WDPCP: variants seen among roughly 807,000 people sequenced by gnomAD.
WDPCP encodes WD repeat-containing and planar cell polarity effector protein fritz homolog.
In WDPCP, 71 loss-of-function variants were observed where a neutral mutation model predicts 93.1. The ratio of observed to expected loss-of-function variants is 0.76; its 90% CI spans 0.63 to 0.93. The LOEUF is 0.93. Among genes scored for constraint, WDPCP ranks in the 40% least tolerant of loss-of-function variants. The pLI, the probability that WDPCP is intolerant of heterozygous loss-of-function variation, is 0.00. For missense variants in WDPCP, 844 were observed against 887.4 expected (o/e 0.95, Z 0.62); for synonymous variants, 315 against 315.0 (o/e 1.00, Z 0.00).
chr2:63,388,657 G>C lies in WDPCP; in HGVS notation c.1436-6563C>G, dbSNP rs191559404. Among the ~76,000 whole-genome samples, 909 of 152,244 alleles carry C rather than the reference G, an allele frequency of 6.0e-3. 2 individuals carry two copies. The highest frequency in any genetic ancestry group is 0.02 in the Middle Eastern group (6 of 294). On this transcript the variant is annotated intron_variant, in intron 10 of 17. Transcript: ENST00000272321. ...GAGGAAGCTAAAAACCTTGAAAAAA[G>C]TTAGACGAATGGCTAACTAGAATAA...
chr2:63,345,705 T>C (rs894711469), intron 12 of WDPCP, among the ~76,000 whole-genome samples: 1 of 152,154 alleles, frequency 6.6e-6, no homozygotes, highest in Admixed American at 6.6e-5. Context: ...TTAGTAACAC[T>C]TGGAATCCTG....
intron 3 of WDPCP, among the ~76,000 whole-genome samples, chr2:63,626,660 A>C (rs1709814166): frequency 1.3e-5 from 2 of 152,252 alleles, no homozygotes; most frequent in Admixed American, 1.3e-4. Flanking sequence ...GGCAATCATC[A>C]AAATGTCAGG....
chr2:63,467,695 G>T (rs1699432932), intron 6 of WDPCP, among the ~76,000 whole-genome samples: 1 of 145,170 alleles, frequency 6.9e-6, no homozygotes, highest in Non-Finnish European at 1.5e-5. Context: ...AGAATTGCTA[G>T]AACTTAGGAG....
At chr2:63,604,797 G>C in intron 3 of WDPCP, 4 of 1,614,172 alleles carry the variant, frequency 2.5e-6, no homozygotes, top group Non-Finnish European at 3.4e-6. Context: ...ATGCCAAGGT[G>C]AAATTGCAAG....
chr2:63,567,543 A>G (rs905205163), intron 1 of WDPCP, among the ~76,000 whole-genome samples: 1 of 152,172 alleles, frequency 6.6e-6, no homozygotes, highest in Non-Finnish European at 1.5e-5. Flanking sequence ...CTCCCACCTG[A>G]GGAGCTGGAC....
intron 3 of WDPCP, among the ~76,000 whole-genome samples, chr2:63,607,907 T>G (rs1378083321): frequency 6.6e-6 from 1 of 151,706 alleles, no homozygotes; most frequent in Non-Finnish European, 1.5e-5. Flanking sequence ...TAGATATATA[T>G]ACATTTTTTT....
intron 13 of WDPCP, among the ~76,000 whole-genome samples, chr2:63,298,170 G>C (rs1035394851): frequency 6.6e-6 from 1 of 152,164 alleles, no homozygotes; most frequent in African/African-American, 2.4e-5. Flanking sequence ...AGTAAGGCCA[G>C]CTGTGGGTGT....
intron 14 of WDPCP, among the ~76,000 whole-genome samples, chr2:63,206,808 T>TA (rs1196492499): frequency 6.6e-6 from 1 of 152,206 alleles, no homozygotes; most frequent in Non-Finnish European, 1.5e-5. Context: ...TTAATTTACT[T>TA]ACAAGCTAAT....
intron 14 of WDPCP, chr2:63,229,432 G>A (rs1678622464): frequency 6.6e-6 from 1 of 151,844 alleles, no homozygotes; most frequent in African/African-American, 2.4e-5. Context: ...AAGCTCTTTA[G>A]TTTAATTAGA....
Position 63,132,023 on chromosome 2 carries a change from A to G in WDPCP, c.2191-9967T>C, listed in dbSNP as rs191457841. Reference sequence around the variant, plus strand: ...CTAATATTTTGTATTTTTAGTAGAGATGGGGTTTCAACATGTTGGCCAGGC... The same window carrying G: ...CTAATATTTTGTATTTTTAGTAGAGGTGGGGTTTCAACATGTTGGCCAGGC... On this transcript the variant is annotated intron_variant, in intron 17 of 17. Coordinates refer to ENST00000272321, the MANE Select transcript of WDPCP (RefSeq NM_015910.7). Among the ~76,000 whole-genome samples the G allele has an allele frequency of 4.2e-3, 634 of 151,644 alleles. 1 individual carries two copies. Among genetic ancestry groups the G allele is most frequent in the Non-Finnish European group, 7.4e-3 (499 of 67,872 alleles).
intron 2 of WDPCP, among the ~76,000 whole-genome samples, chr2:63,771,938 A>G (rs1047304330): frequency 1.3e-5 from 2 of 151,880 alleles, no homozygotes; most frequent in Non-Finnish European, 2.9e-5. Flanking sequence ...TTCTTTATCT[A>G]GTCCACCACT....
chr2:63,394,022 A>G (rs1693504306), intron 10 of WDPCP, among the ~76,000 whole-genome samples: 1 of 152,230 alleles, frequency 6.6e-6, no homozygotes, highest in African/African-American at 2.4e-5. Flanking sequence ...CAAAGATTTC[A>G]TGACAAAGGC....
chr2:63,569,455 T>C (rs1390650811), intron 1 of WDPCP, among the ~76,000 whole-genome samples: 1 of 152,160 alleles, frequency 6.6e-6, no homozygotes, highest in Non-Finnish European at 1.5e-5. Flanking sequence ...TATATCTAGC[T>C]AAAGCTATAC....
chr2:63,803,310 AT>A (rs1670720665), intron 2 of WDPCP, among the ~76,000 whole-genome samples: 1 of 152,184 alleles, frequency 6.6e-6, no homozygotes. Context: ...CTGAAAAAAA[AT>A]TTGGTTATTG....
intron 2 of WDPCP, chr2:63,717,125 T>C (rs949607489): frequency 2.0e-5 from 7 of 355,962 alleles, no homozygotes; most frequent in African/African-American, 1.3e-4. Context: ...TCACCTGCCA[T>C]GGCATTACTC....
chr2:63,324,415 CGTCCCCTTCAAGCTGTAGGG>C (rs1291646096), intron 12 of WDPCP, among the ~76,000 whole-genome samples: 1 of 152,110 alleles, frequency 6.6e-6, no homozygotes, highest in Non-Finnish European at 1.5e-5. Context: ...CTATCGGTTA[CGTCCCCTTCAAGCTGTAGGG>C]GAAGGGGAAT....
chr2:63,561,533 G>A lies in WDPCP; in HGVS notation c.75+26664C>T, dbSNP rs765340374. Among the ~76,000 whole-genome samples the A allele has an allele frequency of 9.3e-5, 14 of 151,284 alleles. No homozygotes were observed. The South Asian group carries it at 1.5e-3, about 16-fold the overall frequency. ...AACAAAAGCAAAAATTGACAAATGG[G>A]ATCTAATGAAACTAAAGAGCTTCTG... On this transcript the variant is annotated intron_variant, in intron 1 of 17. Transcript: ENST00000272321.
rs140333770 is a variant in WDPCP at position 63,739,480 on chromosome 2, A to G, written n.308+74142T>C. On this transcript the variant is annotated intron_variant and non_coding_transcript_variant, in intron 2 of 4. Transcript: ENST00000467687. ...CTTTGCTACTGTGAATAGTGCTACA[A>G]TGAACATTCGGATGCATATATCTTC... 5.8e-3 allele frequency among the ~76,000 whole-genome samples: 878 copies of G among 152,276 alleles called. 13 individuals are homozygous for G. The highest frequency in any genetic ancestry group is 0.02 in the African/African-American group (813 of 41,564).
chr2:63,586,945 C>T (rs1708883103), intron 1 of WDPCP, among the ~76,000 whole-genome samples: 1 of 152,142 alleles, frequency 6.6e-6, no homozygotes, highest in Non-Finnish European at 1.5e-5. Context: ...TACATATGTA[C>T]GTATACATGC....
Sources: gnomAD v4.1 joint callset for allele counts (sites outside exome capture counted in the v4.1 genomes callset) on GRCh38, gnomAD v4.1.1 for gene constraint, MANE v1.5 for transcripts, NCBI Gene and HGNC (gene_info 2026-07-23, HGNC 2026-07-21) for gene names.